RBM47: variants seen among roughly 807,000 people sequenced by gnomAD.
The protein encoded by RBM47 is RNA-binding protein 47.
RBM47 carries 21 observed loss-of-function variants against 47.1 expected under a neutral mutation model. The ratio of observed to expected loss-of-function variants is 0.45; its 90% CI spans 0.32 to 0.64. The LOEUF is 0.64. Ranked by LOEUF, RBM47 falls within the 30% of genes least tolerant of loss-of-function variation. The pLI is 0.05. For synonymous variants in RBM47, 375 were observed against 361.7 expected (o/e 1.04, Z -0.42); for missense variants, 708 against 870.9 (o/e 0.81, Z 2.35).
At chr4:40,576,329 AT>A (rs1029764303) in intron 1 of RBM47, among the ~76,000 whole-genome samples, 3 of 149,142 alleles carry the variant, frequency 2.0e-5, no homozygotes, top group Non-Finnish European at 4.4e-5. Context: ...TTTTAAAAAA[AT>A]TTTTTTGTAG....
intron 2 of RBM47, among the ~76,000 whole-genome samples, chr4:40,487,316 G>T (rs896608637): frequency 1.3e-5 from 2 of 151,822 alleles, no homozygotes; most frequent in African/African-American, 4.9e-5. Flanking sequence ...TTTTTTTAAA[G>T]ATGGAGTCTC....
intron 1 of RBM47, among the ~76,000 whole-genome samples, chr4:40,610,592 C>G (rs1245170554): frequency 8.3e-6 from 1 of 120,808 alleles, no homozygotes; most frequent in Non-Finnish European, 1.6e-5. Context: ...CCTGGGGCGA[C>G]AGAGTGAGAC....
intron 2 of RBM47, among the ~76,000 whole-genome samples, chr4:40,481,684 C>T (rs13139863): frequency 0.14 from 20,704 of 151,542 alleles, 1,848 homozygotes; most frequent in Non-Finnish European, 0.19. Context: ...CTAGAGTAAC[C>T]GGGATTACAG....
chr4:40,488,379 T>C (rs1439058684), intron 2 of RBM47, among the ~76,000 whole-genome samples: 1 of 151,666 alleles, frequency 6.6e-6, no homozygotes, highest in African/African-American at 2.4e-5. Context: ...TGAGACGCTA[T>C]AAAATGAAAA....
At chr4:40,478,649 T>G (rs1264498672) in intron 2 of RBM47, among the ~76,000 whole-genome samples, 1 of 152,150 alleles carries the variant, frequency 6.6e-6, no homozygotes, top group South Asian at 2.1e-4. Flanking sequence ...GTTATTATTA[T>G]TAGTTATTAC....
chr4:40,438,928 G>T lies in RBM47; in HGVS notation c.-31-4C>A. 1 of 1,496,814 alleles carries T rather than the reference G, an allele frequency of 6.7e-7. No individual in the cohort carries two copies. The highest frequency in any genetic ancestry group is 8.9e-7 in the Non-Finnish European group (1 of 1,125,366). The allele number at this position is 1,496,814 out of a possible 1,614,324, so 92.7% of individuals were successfully genotyped here. On this transcript the variant is annotated splice_region_variant and splice_polypyrimidine_tract_variant and intron_variant, in intron 3 of 6. Coordinates refer to ENST00000295971, the MANE Select transcript of RBM47 (RefSeq NM_001098634.2). ...GGCATCCACAGCTGGCGGAAACCTG[G>T]GGAAGCAGAAAGAAGCGTGAGTGGG...
rs1353583253 is a variant in RBM47 at position 40,628,840 on chromosome 4, C to T, written c.-240+556G>A. 1.3e-5 allele frequency among the ~76,000 whole-genome samples: 2 copies of T among 152,250 alleles called. No individual in the cohort carries two copies. Among genetic ancestry groups the T allele is most frequent in the African/African-American group, 4.8e-5 (2 of 41,546 alleles). ...CACTTCCATTTATTTTATCTGATTTCTTAAATATCCGGTCAACTGCTAATT... is the reference window on the plus strand; with the variant it reads ...CACTTCCATTTATTTTATCTGATTTTTTAAATATCCGGTCAACTGCTAATT... On this transcript the variant is annotated intron_variant, in intron 1 of 6. Transcript: ENST00000295971. The surrounding 1 kb of genome is among the most constrained non-coding windows in gnomAD (Gnocchi z 4.0).
intron 3 of RBM47, among the ~76,000 whole-genome samples, chr4:40,440,229 A>G (rs1713419175): frequency 6.6e-6 from 1 of 152,174 alleles, no homozygotes; most frequent in Non-Finnish European, 1.5e-5. Flanking sequence ...AATTATTCCT[A>G]ATTTTCCTAC....
chr4:40,470,272 A>G (rs545190102), intron 2 of RBM47, among the ~76,000 whole-genome samples: 71 of 152,048 alleles, frequency 4.7e-4, no homozygotes, highest in African/African-American at 1.7e-3. Context: ...TCACCCCATC[A>G]TGGAGTCTTT....
chr4:40,518,619 C>T (rs1331215457), intron 2 of RBM47, among the ~76,000 whole-genome samples: 2 of 152,094 alleles, frequency 1.3e-5, no homozygotes, highest in African/African-American at 4.8e-5. Flanking sequence ...AGAACCTCAG[C>T]GGGTCCCAGT....
At position 40,425,020 on chromosome 4, in the gene RBM47, C is replaced by T. The variant is rs970079505; in HGVS notation, c.*884G>A. 2 of 151,806 alleles carry T rather than the reference C, an allele frequency of 1.3e-5. No homozygotes were observed. Among genetic ancestry groups the T allele is most frequent in the Non-Finnish European group, 2.9e-5 (2 of 67,986 alleles). 9.4% of individuals were successfully genotyped at this position (151,806 alleles called of 1,614,324 possible). The stretch of plus-strand genomic sequence containing the variant: ...AAAACAACGAAACAACAAACCCCAA[C>T]AAAAACCCAGGAAGAAGTATAAAAG... On this transcript the variant is annotated 3_prime_UTR_variant, in exon 7 of 7. Transcript: ENST00000295971.
chr4:40,465,406 A>T (rs565781265), intron 3 of RBM47, among the ~76,000 whole-genome samples: 5 of 152,232 alleles, frequency 3.3e-5, no homozygotes, highest in African/African-American at 9.6e-5. Flanking sequence ...CATGCCTGTA[A>T]TCCTAGCACA....
rs1243228425 is a variant in RBM47, at chr4:40,426,118, G to A, written c.1568C>T (p.Thr523Met). 6.8e-6 allele frequency: 11 copies of A among 1,614,048 alleles called. No homozygotes were observed. In the Middle Eastern group the frequency reaches 1.2e-3, roughly 169 times the overall value. Residue 523 changes from threonine to methionine, a missense_variant, in exon 7 of 7, where the codon ACG (threonine) becomes ATG (methionine). Coordinates refer to ENST00000295971, the MANE Select transcript of RBM47 (RefSeq NM_001098634.2). ...AATTCTCTGAACGTTTGGAGCCACC[G>A]TGTATACTGGAGTTATTGGGCGGCC... ...FQGRPITPVY[T>M]VAPNVQRIPT...
chr4:40,472,233 A>G (rs1011908196), intron 2 of RBM47, among the ~76,000 whole-genome samples: 6 of 152,170 alleles, frequency 3.9e-5, no homozygotes, highest in African/African-American at 1.4e-4. Flanking sequence ...TGTTGTTACT[A>G]CCTTTTTAAT....
chr4:40,511,620 C>T (rs1463006271), intron 2 of RBM47, among the ~76,000 whole-genome samples: 1 of 152,192 alleles, frequency 6.6e-6, no homozygotes, highest in Non-Finnish European at 1.5e-5. Context: ...GAGGATCCAA[C>T]GTAGCCTTTG....
At position 40,438,917 on chromosome 4, in the gene RBM47, G is replaced by C. The variant is rs1577631714; in HGVS notation, c.-24C>G. The C allele has an allele frequency of 6.6e-7, 1 of 1,509,270 alleles. No homozygotes were observed. Among genetic ancestry groups the C allele is most frequent in the African/African-American group, 1.4e-5 (1 of 72,926 alleles). The allele number at this position is 1,509,270 out of a possible 1,614,324, so 93.5% of individuals were successfully genotyped here. On this transcript the variant is annotated 5_prime_UTR_variant, in exon 4 of 7. Coordinates refer to ENST00000295971, the MANE Select transcript of RBM47 (RefSeq NM_001098634.2). ...ATAATGTCAAAGGCATCCACAGCTG[G>C]CGGAAACCTGGGGAAGCAGAAAGAA... is the stretch of plus-strand genomic sequence containing the variant.
intron 3 of RBM47, among the ~76,000 whole-genome samples, chr4:40,462,938 A>G (rs1717390050): frequency 6.6e-6 from 1 of 152,228 alleles, no homozygotes; most frequent in Admixed American, 6.6e-5. Flanking sequence ...AAAAGAAAAA[A>G]TAGATAAAGT....
At position 40,423,892 on chromosome 4, in the gene RBM47, C is replaced by T. The variant is rs1379461409; in HGVS notation, c.*2012G>A. On this transcript the variant is annotated 3_prime_UTR_variant, in exon 7 of 7. Transcript: ENST00000295971. ...GGGGATGAGGATCTGATCCGAATTA[C>T]ATTTTGTCGAGTCACTCATTCCCAC... 1 of 152,446 alleles carries T rather than the reference C, an allele frequency of 6.6e-6. No individual in the cohort carries two copies. The highest frequency in any genetic ancestry group is 1.5e-5 in the Non-Finnish European group (1 of 68,018). 9.4% of individuals were successfully genotyped at this position (152,446 alleles called of 1,614,324 possible).
At chr4:40,527,436 A>ATTTTTTTTTTTTTTTTTTTTTTT (rs60524903) in intron 2 of RBM47, among the ~76,000 whole-genome samples, 1 of 104,718 alleles carries the variant, frequency 9.5e-6, no homozygotes, top group African/African-American at 3.9e-5. Flanking sequence ...ACACCTGGCA[A>ATTTTTTTTTTTTTTTTTTTTTTT]TTTTTTTTTT....
Sources: allele counts gnomAD v4.1 joint callset (sites outside exome capture counted in the v4.1 genomes callset), GRCh38; gene constraint gnomAD v4.1.1; non-coding constraint Gnocchi (gnomAD v3.1); transcripts MANE v1.5; gene names NCBI Gene and HGNC (gene_info 2026-07-23, HGNC 2026-07-21).